RPL34: variants seen among roughly 807,000 people sequenced by gnomAD.
The protein encoded by RPL34 is large ribosomal subunit protein eL34.
In RPL34, 2 loss-of-function variants were observed where a neutral mutation model predicts 16.3. The ratio of observed to expected loss-of-function variants is 0.12; its 90% CI spans 0.05 to 0.39. The LOEUF (loss-of-function observed/expected upper bound fraction) is 0.39, where lower values mean the gene tolerates loss of function less well. Ranked by LOEUF, RPL34 falls within the 10% of genes least tolerant of loss-of-function variation. RPL34 has a pLI of 0.99. For missense variants in RPL34, 82 were observed against 148.8 expected (o/e 0.55, Z 2.33); for synonymous variants, 47 against 48.5 (o/e 0.97, Z 0.13).
rs754918822 is a variant in RPL34, at chr4:108,622,239, G to A, written c.165+35G>A. ...CCTTTTACTGTGTGCAGCCTAACAA[G>A]TCTTGAACTTACTGAGCTTTCATCC... On this transcript the variant is annotated intron_variant, in intron 3 of 4. Coordinates refer to ENST00000394667, the MANE Select transcript of RPL34 (RefSeq NM_001319236.2). 1.4e-5 allele frequency: 20 copies of A among 1,414,344 alleles called. No homozygotes were observed. The Admixed American group carries it at 2.5e-4, about 18-fold the overall frequency. The allele number at this position is 1,414,344 out of a possible 1,614,324, so 87.6% of individuals were successfully genotyped here.
At chr4:108,623,893 A>G (rs1725886536) in intron 4 of RPL34, among the ~76,000 whole-genome samples, 1 of 152,252 alleles carries the variant, frequency 6.6e-6, no homozygotes, top group Admixed American at 6.5e-5. Context: ...CTTGCAAATA[A>G]CTAGGAATGG....
chr4:108,621,936 C>A lies in RPL34; in HGVS notation c.-9-15C>A, dbSNP rs778744613. 3 of 1,546,780 alleles carry A rather than the reference C, an allele frequency of 1.9e-6. No homozygotes were observed. The South Asian group carries it at 3.4e-5, about 17-fold the overall frequency. On this transcript the variant is annotated splice_polypyrimidine_tract_variant and intron_variant, in intron 1 of 4. Transcript: ENST00000394667. Reference sequence around the variant, plus strand: ...TACAATGGAAAGATTTGATGTTACTCTATTCTTAATTTAGGCACTCAGAAT... The same window carrying A: ...TACAATGGAAAGATTTGATGTTACTATATTCTTAATTTAGGCACTCAGAAT...
chr4:108,624,508 T>C (rs1022724239), intron 4 of RPL34, among the ~76,000 whole-genome samples: 2 of 152,182 alleles, frequency 1.3e-5, no homozygotes, highest in Non-Finnish European at 2.9e-5. Flanking sequence ...TAGTGATCCA[T>C]AAAATGCACT....
chr4:108,627,581 G>T (rs1306352484), downstream of RPL34, among the ~76,000 whole-genome samples: 2 of 151,960 alleles, frequency 1.3e-5, no homozygotes, highest in Non-Finnish European at 2.9e-5. Flanking sequence ...GAATTTAACC[G>T]CCAGGCGCGG....
At chr4:108,621,239 G>C (rs544545740) in intron 1 of RPL34, 4 of 152,374 alleles carry the variant, frequency 2.6e-5, no homozygotes, top group African/African-American at 9.6e-5. Context: ...TTCAAGTATT[G>C]ATTATGTTTT....
At chr4:108,621,082 A>G (rs1045408743) in intron 1 of RPL34, 3 of 152,066 alleles carry the variant, frequency 2.0e-5, no homozygotes, top group African/African-American at 7.2e-5. Context: ...GGAGATGCAA[A>G]CAGAATAATG....
At chr4:108,621,692 T>C (rs1725782021) in intron 1 of RPL34, 1 of 387,348 alleles carries the variant, frequency 2.6e-6, no homozygotes, top group Non-Finnish European at 4.9e-6. Context: ...AAAATTAGAC[T>C]CTGAGTAAGG....
chr4:108,629,921 T>A (rs17039168), downstream of RPL34: 1 of 152,174 alleles, frequency 6.6e-6, no homozygotes, highest in East Asian at 1.9e-4. Context: ...AAATCACATA[T>A]AATCCTCACA....
At chr4:108,623,486 T>C (rs112854817) in intron 4 of RPL34, among the ~76,000 whole-genome samples, 33 of 152,336 alleles carry the variant, frequency 2.2e-4, no homozygotes, top group African/African-American at 7.0e-4. Context: ...CTTGGCTCAC[T>C]GTAACCTCCG....
downstream of RPL34, among the ~76,000 whole-genome samples, chr4:108,627,892 C>T (rs1255723212): frequency 2.0e-5 from 3 of 151,860 alleles, no homozygotes; most frequent in Non-Finnish European, 4.4e-5. Context: ...AACCACAGTA[C>T]ACTTGATTGG....
chr4:108,622,274 G>A lies in RPL34; in HGVS notation c.165+70G>A. On this transcript the variant is annotated intron_variant, in intron 3 of 4. Transcript: ENST00000394667. ...TACTGAGCTTTCATCCCTTGACGAT[G>A]GAATGAATCAAGGAGAGGTTACCAC... 4.3e-6 allele frequency: 5 copies of A among 1,151,350 alleles called. 1 individual carries two copies. The South Asian group carries it at 6.2e-5, about 14-fold the overall frequency. 71.3% of individuals were successfully genotyped at this position (1,151,350 alleles called of 1,614,324 possible). A position where few individuals can be genotyped will look rare whatever the true frequency, so the allele number is the denominator to read the frequency against.
At chr4:108,626,969 G>A (rs186156923), downstream of RPL34, among the ~76,000 whole-genome samples, 11 of 152,284 alleles carry the variant, frequency 7.2e-5, no homozygotes, top group East Asian at 1.9e-4. Flanking sequence ...GCTGGACGCC[G>A]TGGTTCATGC....
At chr4:108,626,447 CTT>C (rs34343318), downstream of RPL34, among the ~76,000 whole-genome samples, 9 of 117,062 alleles carry the variant, frequency 7.7e-5, no homozygotes, top group Admixed American at 2.1e-4. Context: ...GGCTGACAAC[CTT>C]TTTTTTTTTT....
downstream of RPL34, chr4:108,625,620 A>T (rs1420053374): frequency 1.3e-5 from 2 of 158,732 alleles, no homozygotes; most frequent in African/African-American, 4.8e-5. Flanking sequence ...TCCCGACCTC[A>T]GGTGATCTGC....
chr4:108,626,893 G>A (rs1726019977), downstream of RPL34, among the ~76,000 whole-genome samples: 2 of 152,050 alleles, frequency 1.3e-5, no homozygotes, highest in Admixed American at 6.6e-5. Flanking sequence ...CTACTAACTG[G>A]CATGATGTAA....
At chr4:108,630,255 C>A (rs1381571159), downstream of RPL34, 2 of 152,140 alleles carry the variant, frequency 1.3e-5, no homozygotes, top group Non-Finnish European at 2.9e-5. Context: ...AGTATATGAT[C>A]ACTAATATAG....
chr4:108,622,592 C>T lies in RPL34; in HGVS notation c.243C>T (p.Ser81=). 1.2e-6 allele frequency: 2 copies of T among 1,602,940 alleles called. No individual in the cohort carries two copies. Among genetic ancestry groups the T allele is most frequent in the Middle Eastern group, 3.3e-4 (2 of 5,990 alleles). Residue 81 remains serine, a synonymous_variant, in exon 4 of 5, where the codon TCC becomes TCT. Coordinates refer to ENST00000394667, the MANE Select transcript of RPL34 (RefSeq NM_001319236.2). The part of the protein sequence containing the change: ...KKHVSRAYGG[S]MCAKCVRDRI... ...ATGTCAGCAGGGCCTATGGTGGTTC[C>T]ATGTGTGCTAAATGTGTTCGTGACA...
chr4:108,627,949 C>G (rs1726069850), downstream of RPL34, among the ~76,000 whole-genome samples: 1 of 152,128 alleles, frequency 6.6e-6, no homozygotes, highest in African/African-American at 2.4e-5. Context: ...CCCAGCAACT[C>G]CAACAGCTTT....
At chr4:108,626,501 C>T (rs979365251), downstream of RPL34, among the ~76,000 whole-genome samples, 7 of 136,334 alleles carry the variant, frequency 5.1e-5, no homozygotes, top group South Asian at 2.3e-4. Flanking sequence ...CAGGCTGGAG[C>T]GTACTGGCTC....
Sources: allele counts gnomAD v4.1 joint callset (sites outside exome capture counted in the v4.1 genomes callset), GRCh38; gene constraint gnomAD v4.1.1; transcripts MANE v1.5; gene names NCBI Gene and HGNC (gene_info 2026-07-23, HGNC 2026-07-21).